Variants in ABCA13 observed in about 807,000 individuals in gnomAD.
ABCA13 encodes the protein ATP-binding cassette sub-family A member 13.
A neutral mutation model predicts 478.7 loss-of-function variants in ABCA13; 476 were observed. That is an observed-to-expected ratio of 0.99 (90% CI 0.92 to 1.07). The LOEUF is 1.07. Ranked by LOEUF, ABCA13 falls within the 50% of genes least tolerant of loss-of-function variation. ABCA13 has a pLI of 0.00. For missense variants in ABCA13, 6,060 were observed against 5,910.6 expected, an observed-to-expected ratio of 1.03 and a Z score of -0.83; for synonymous variants, 2,252 against 2,158.9, an observed-to-expected ratio of 1.04 and a Z score of -1.20.
chr7:48,223,201 T>C (rs925901030), intron 5 of ABCA13, among the ~76,000 whole-genome samples: 9 of 151,302 alleles, frequency 5.9e-5, no homozygotes, highest in Non-Finnish European at 1.3e-4. Context: ...GAGGAGAGGG[T>C]ATAAAGGGAA....
At chr7:48,259,722 T>G (rs1793913651) in intron 15 of ABCA13, among the ~76,000 whole-genome samples, 1 of 24,486 alleles carries the variant, frequency 4.1e-5, no homozygotes, top group African/African-American at 6.3e-4. Context: ...ACTTAAGTGT[T>G]TTTTTTTTGT....
At position 48,520,388 on chromosome 7, in the gene ABCA13, A is replaced by G. The variant is rs529976290; in HGVS notation, c.14051+94A>G. ...TCCTGGAGGTTGTAAAATAAAAATT[A>G]TATCTGATCAGCATTATACATAGTT... is the stretch of plus-strand genomic sequence containing the variant. On this transcript the variant is annotated intron_variant, in intron 53 of 61. Coordinates refer to ENST00000435803, the MANE Select transcript of ABCA13 (RefSeq NM_152701.5). 452 of 1,379,658 alleles carry G rather than the reference A, an allele frequency of 3.3e-4. 1 individual carries two copies. The highest frequency in any genetic ancestry group is 3.9e-4 in the Non-Finnish European group (406 of 1,033,408). The allele number at this position is 1,379,658 out of a possible 1,614,324, so 85.5% of individuals were successfully genotyped here.
intron 35 of ABCA13, among the ~76,000 whole-genome samples, chr7:48,380,875 T>G (rs1295515674): frequency 6.6e-6 from 1 of 152,108 alleles, no homozygotes; most frequent in Non-Finnish European, 1.5e-5. Context: ...CCCTACCACC[T>G]GCTGTACGGG....
At position 48,614,478 on chromosome 7, in the gene ABCA13, G is replaced by A. The variant is rs142865020; in HGVS notation, c.14745-807G>A. Among the ~76,000 whole-genome samples the A allele has an allele frequency of 9.3e-3, 1,404 of 151,254 alleles. 30 individuals carry two copies. The highest frequency in any genetic ancestry group is 0.032 in the African/African-American group (1,311 of 41,438). On this transcript the variant is annotated intron_variant, in intron 58 of 61. Transcript: ENST00000435803. ...CAACCATTGTGGAAGTCAGTGTAGC[G>A]ATTCTTCAGGGATCTAGAACTAGAA...
chr7:48,439,370 C>T (rs7788030), intron 42 of ABCA13, among the ~76,000 whole-genome samples: 2 of 151,780 alleles, frequency 1.3e-5, no homozygotes, highest in South Asian at 2.1e-4. Flanking sequence ...AAAATGTTTA[C>T]AAGAATCTAA....
At chr7:48,438,884 G>GTTTTGTTTTTTTT (rs377348909) in intron 42 of ABCA13, among the ~76,000 whole-genome samples, 1 of 139,400 alleles carries the variant, frequency 7.2e-6, no homozygotes, top group Non-Finnish European at 1.5e-5. Context: ...TTTTGCTAAG[G>GTTTTGTTTTTTTT]TTTTTTTTTT....
intron 59 of ABCA13, among the ~76,000 whole-genome samples, chr7:48,618,334 A>G (rs552668509): frequency 1.3e-3 from 201 of 152,332 alleles, no homozygotes; most frequent in African/African-American, 4.6e-3. Flanking sequence ...GGGTTTCCGC[A>G]GAGGACACCA....
At chr7:48,209,586 A>G (rs1785357289) in intron 3 of ABCA13, among the ~76,000 whole-genome samples, 2 of 152,090 alleles carry the variant, frequency 1.3e-5, no homozygotes, top group Non-Finnish European at 2.9e-5. Flanking sequence ...GTGGTTCAAT[A>G]TTGGTATGTT....
Position 48,272,253 on chromosome 7 carries a change from G to C in ABCA13, c.2587G>C (p.Glu863Gln), listed in dbSNP as rs1468804544. The C allele has an allele frequency of 6.2e-7, 1 of 1,612,576 alleles. No homozygotes were observed. Among genetic ancestry groups the C allele is most frequent in the Non-Finnish European group, 8.5e-7 (1 of 1,179,526 alleles). ...FFTLLNFSVP[E>Q]NEILSTSFNF... is the part of the protein sequence containing the mutation. ...TACACTTTTAAATTTTTCTGTTCCA[G>C]AAAATGAGATTCTGAGTACAAGTTT... The change falls in exon 17 of 62, where the codon GAA (glutamate) becomes CAA (glutamine). Residue 863 changes from glutamate to glutamine, a missense_variant. This residue lies in a region of ABCA13 where 4,423 missense variants were observed against 4,309.1 expected (regional missense o/e 1.03). Transcript: ENST00000435803.
At chr7:48,470,721 T>G (rs1230946172) in intron 44 of ABCA13, among the ~76,000 whole-genome samples, 2 of 152,216 alleles carry the variant, frequency 1.3e-5, no homozygotes, top group Non-Finnish European at 2.9e-5. Flanking sequence ...ACTGGCTTTC[T>G]CATTGGAGCA....
chr7:48,447,528 C>A (rs1824453158), intron 42 of ABCA13, among the ~76,000 whole-genome samples: 2 of 152,108 alleles, frequency 1.3e-5, no homozygotes, highest in Non-Finnish European at 2.9e-5. Context: ...TGCAATGAAG[C>A]CCCATTAATG....
chr7:48,191,375 C>T (rs1029332236), intron 1 of ABCA13, among the ~76,000 whole-genome samples: 3 of 152,150 alleles, frequency 2.0e-5, no homozygotes, highest in Non-Finnish European at 2.9e-5. Flanking sequence ...AATACTTCCT[C>T]GTGGAATATT....
chr7:48,210,807 G>C (rs1254473162), intron 3 of ABCA13, among the ~76,000 whole-genome samples: 1 of 152,088 alleles, frequency 6.6e-6, no homozygotes, highest in Non-Finnish European at 1.5e-5. Context: ...GAAGAATGCA[G>C]ATTCTGTAGC....
At chr7:48,605,244 G>T (rs1791348953) in intron 58 of ABCA13, among the ~76,000 whole-genome samples, 1 of 152,096 alleles carries the variant, frequency 6.6e-6, no homozygotes, top group Non-Finnish European at 1.5e-5. Context: ...GGTTAATATT[G>T]TTATGTGTGA....
At chr7:48,204,368 C>A (rs1194090347) in intron 3 of ABCA13, among the ~76,000 whole-genome samples, 2 of 152,012 alleles carry the variant, frequency 1.3e-5, no homozygotes, top group East Asian at 3.9e-4. Context: ...TGCCACCATG[C>A]CCAGCTAATT....
intron 49 of ABCA13, among the ~76,000 whole-genome samples, chr7:48,507,086 G>A (rs995108678): frequency 6.6e-6 from 1 of 152,224 alleles, no homozygotes; most frequent in African/African-American, 2.4e-5. Context: ...CACCGGTTGG[G>A]TTGCAGCTTG....
Position 48,467,374 on chromosome 7 carries a change from T to C in ABCA13, c.12905+329T>C, listed in dbSNP as rs1475193923. 2.0e-5 allele frequency among the ~76,000 whole-genome samples: 3 copies of C among 152,220 alleles called. No individual in the cohort carries two copies. The East Asian group carries it at 5.8e-4, about 29-fold the overall frequency. Reference sequence around the variant, plus strand: ...GAATGAAGTAGGAATTAAGTCTGAATTATGTCTTAGCTATTATTTACTTTT... The same window carrying C: ...GAATGAAGTAGGAATTAAGTCTGAACTATGTCTTAGCTATTATTTACTTTT... On this transcript the variant is annotated intron_variant, in intron 44 of 61. Transcript: ENST00000435803.
At position 48,272,321 on chromosome 7, in the gene ABCA13, A is replaced by G. The variant is rs557775693; in HGVS notation, c.2655A>G (p.Pro885=). The stretch of plus-strand genomic sequence containing the variant: ...TCCATTCAGATTGGCCTAAATCACC[A>G]GCTATGAACATAGATTTTGTACGTT... ...QLFHSDWPKS[P]AMNIDFVRLS... is the part of the protein sequence containing the mutation. Residue 885 remains proline, a synonymous_variant, in exon 17 of 62, where the codon CCA becomes CCG. Coordinates refer to ENST00000435803, the MANE Select transcript of ABCA13 (RefSeq NM_152701.5). 1 of 1,613,766 alleles carries G rather than the reference A, an allele frequency of 6.2e-7. No individual in the cohort carries two copies. Among genetic ancestry groups the G allele is most frequent in the South Asian group, 1.1e-5 (1 of 91,076 alleles).
intron 27 of ABCA13, among the ~76,000 whole-genome samples, chr7:48,323,139 G>C (rs1803757484): frequency 6.6e-6 from 1 of 152,068 alleles, no homozygotes; most frequent in Non-Finnish European, 1.5e-5. Context: ...ATTATCAGTG[G>C]AGCTCTTACC....
Sources: gnomAD v4.1 joint callset for allele counts (sites outside exome capture counted in the v4.1 genomes callset) on GRCh38, gnomAD v4.1.1 for gene constraint, gnomAD v4.1.1 regional missense constraint, MANE v1.5 for transcripts, NCBI Gene and HGNC (gene_info 2026-07-23, HGNC 2026-07-21) for gene names.